HDGFL3: variants seen among roughly 807,000 people sequenced by gnomAD.
The protein encoded by HDGFL3 is HDGF like 3.
HDGFL3 carries 6 observed loss-of-function variants against 27.6 expected under a neutral mutation model. The observed-to-expected ratio is 0.22, with a 90% CI of 0.12 to 0.43. The LOEUF is 0.43. Among genes scored for constraint, HDGFL3 ranks in the 20% least tolerant of loss-of-function variants. The pLI, the probability that HDGFL3 is intolerant of heterozygous loss-of-function variation, is 1.00. For synonymous variants in HDGFL3, 88 were observed against 88.9 expected, an observed-to-expected ratio of 0.99 and a Z score of 0.05; for missense variants, 207 against 250.1, an observed-to-expected ratio of 0.83 and a Z score of 1.16.
chr15:83,159,795 C>A (rs2037075377), intron 2 of HDGFL3, among the ~76,000 whole-genome samples: 1 of 152,048 alleles, frequency 6.6e-6, no homozygotes, highest in Admixed American at 6.6e-5. Context: ...GTCAGTGTGG[C>A]TAGAGTGAAA....
chr15:83,153,310 G>A (rs555784421), intron 4 of HDGFL3, among the ~76,000 whole-genome samples: 9 of 152,214 alleles, frequency 5.9e-5, no homozygotes, highest in African/African-American at 1.7e-4. Context: ...GAGCCACCAT[G>A]CCTGGCCCCT....
chr15:83,112,789 C>T (rs370383601), exon 4 of HDGFL3: 40 of 1,605,178 alleles, frequency 2.5e-5, no homozygotes, highest in African/African-American at 1.1e-4. Flanking sequence ...CTGTTCTGGT[C>T]GTTGCAGTTC....
At chr15:83,184,256 T>C (rs1329566358) in intron 1 of HDGFL3, among the ~76,000 whole-genome samples, 1 of 152,230 alleles carries the variant, frequency 6.6e-6, no homozygotes, top group Non-Finnish European at 1.5e-5. Context: ...GTCTGATAAA[T>C]AGGGCTTTCC....
chr15:83,202,745 T>A lies in HDGFL3; in HGVS notation c.84+4586A>T, dbSNP rs2037663815. On this transcript the variant is annotated intron_variant, in intron 1 of 5. Coordinates refer to ENST00000299633, the MANE Select transcript of HDGFL3 (RefSeq NM_016073.4). Reference sequence around the variant, plus strand: ...ATATGTACACATCCATGTAACACCATCCAGATCAAGACAGGGAACATTTCC... The same window carrying A: ...ATATGTACACATCCATGTAACACCAACCAGATCAAGACAGGGAACATTTCC... 1.3e-5 allele frequency among the ~76,000 whole-genome samples: 2 copies of A among 152,116 alleles called. 1 individual carries two copies. Among genetic ancestry groups the A allele is most frequent in the South Asian group, 4.1e-4 (2 of 4,826 alleles).
At chr15:83,118,649 TGGCTGATTGATG>T (rs2034923918) in intron 3 of HDGFL3, among the ~76,000 whole-genome samples, 1 of 152,162 alleles carries the variant, frequency 6.6e-6, no homozygotes, top group East Asian at 1.9e-4. Context: ...CCTGCTTGCT[TGGCTGATTGATG>T]GGCTGGTTGA....
At chr15:83,168,623 T>C (rs2037202157) in intron 1 of HDGFL3, among the ~76,000 whole-genome samples, 1 of 152,156 alleles carries the variant, frequency 6.6e-6, no homozygotes, top group Non-Finnish European at 1.5e-5. Flanking sequence ...ATTGAATCCT[T>C]AGGTTGAATC....
intron 5 of HDGFL3, among the ~76,000 whole-genome samples, chr15:83,149,224 G>A (rs2036935300): frequency 6.6e-6 from 1 of 152,192 alleles, no homozygotes; most frequent in African/African-American, 2.4e-5. Flanking sequence ...ATGAGATAAT[G>A]AATGCAGACC....
intron 4 of HDGFL3, among the ~76,000 whole-genome samples, chr15:83,156,048 T>C (rs976986403): frequency 6.6e-6 from 1 of 152,192 alleles, no homozygotes; most frequent in African/African-American, 2.4e-5. Context: ...TGGAATAAAA[T>C]CCAAATTTCT....
At chr15:83,126,108 G>A (rs2035726266), downstream of HDGFL3, among the ~76,000 whole-genome samples, 1 of 152,142 alleles carries the variant, frequency 6.6e-6, no homozygotes, top group Non-Finnish European at 1.5e-5. Context: ...AAGGTGGGTA[G>A]GGCTTTTGGA....
intron 3 of HDGFL3, among the ~76,000 whole-genome samples, chr15:83,119,289 T>C (rs1705824251): frequency 6.6e-6 from 1 of 152,236 alleles, no homozygotes; most frequent in South Asian, 2.1e-4. Context: ...ACAGCCAGGA[T>C]TGCCTATCAT....
intron 1 of HDGFL3, among the ~76,000 whole-genome samples, chr15:83,187,529 A>G (rs1158489326): frequency 1.3e-5 from 2 of 152,210 alleles, no homozygotes; most frequent in African/African-American, 2.4e-5. Context: ...TGGATAACCT[A>G]TAATTTATTT....
At chr15:83,142,792 G>A (rs989653337) in intron 5 of HDGFL3, among the ~76,000 whole-genome samples, 3 of 152,184 alleles carry the variant, frequency 2.0e-5, no homozygotes, top group Non-Finnish European at 2.9e-5. Context: ...AAATAGATAT[G>A]AGGATCTAGT....
chr15:83,126,273 A>G (rs1313375867), downstream of HDGFL3, among the ~76,000 whole-genome samples: 2 of 152,190 alleles, frequency 1.3e-5, no homozygotes, highest in East Asian at 3.8e-4. Context: ...ACTTTCCAGC[A>G]AGAGGACCCT....
At chr15:83,198,019 A>G (rs1393634577) in intron 1 of HDGFL3, among the ~76,000 whole-genome samples, 1 of 125,608 alleles carries the variant, frequency 8.0e-6, no homozygotes, top group Non-Finnish European at 1.6e-5. Context: ...ACACTACTGC[A>G]CTCCAGCCTG....
At chr15:83,123,946 T>A (rs2035497191), downstream of HDGFL3, among the ~76,000 whole-genome samples, 1 of 148,254 alleles carries the variant, frequency 6.7e-6, no homozygotes, top group Non-Finnish European at 1.5e-5. Context: ...GGCAATGTTA[T>A]CAACCTTAAT....
rs200446699 is a variant in HDGFL3 at position 83,121,938 on chromosome 15, T to C, written c.394-6197A>G. 67 of 1,608,968 alleles carry C rather than the reference T, an allele frequency of 4.2e-5. No individual in the cohort carries two copies. Among genetic ancestry groups the C allele is most frequent in the African/African-American group, 3.1e-4 (23 of 74,828 alleles). On this transcript the variant is annotated intron_variant, in intron 3 of 3. Coordinates refer to the HDGFL3 transcript ENST00000568294. ...TGTTACAGGGAAACTTATAGAACCATTGGCCTATATTGGGTTGGATCTATT... is the reference window on the plus strand; with the variant it reads ...TGTTACAGGGAAACTTATAGAACCACTGGCCTATATTGGGTTGGATCTATT...
chr15:83,193,146 CA>C (rs2037532299), intron 1 of HDGFL3, among the ~76,000 whole-genome samples: 1 of 152,120 alleles, frequency 6.6e-6, no homozygotes, highest in Non-Finnish European at 1.5e-5. Flanking sequence ...TAAAAAAAAG[CA>C]ATCCGTGCAA....
intron 2 of HDGFL3, among the ~76,000 whole-genome samples, chr15:83,161,430 G>A (rs1209734145): frequency 1.3e-5 from 2 of 152,154 alleles, no homozygotes; most frequent in East Asian, 3.8e-4. Flanking sequence ...CAAAGTGCTG[G>A]TATTACAGGC....
intron 5 of HDGFL3, among the ~76,000 whole-genome samples, chr15:83,145,897 C>CTTTTTTT (rs3082058): frequency 1.0e-4 from 5 of 49,472 alleles, no homozygotes; most frequent in Admixed American, 4.1e-4. Context: ...TTTCTTCTTC[C>CTTTTTTT]TTTTTTTTTT....
Sources: gnomAD v4.1 joint callset for allele counts (sites outside exome capture counted in the v4.1 genomes callset) on GRCh38, gnomAD v4.1.1 for gene constraint, MANE v1.5 for transcripts, NCBI Gene and HGNC (gene_info 2026-07-23, HGNC 2026-07-21) for gene names.